Variants in USH1C observed in about 807,000 individuals in gnomAD.
USH1C encodes USH1 protein network component harmonin, also known as harmonin.
In USH1C, 90 loss-of-function variants were observed where a neutral mutation model predicts 119.3. The ratio of observed to expected loss-of-function variants is 0.75; its 90% CI spans 0.64 to 0.90. The LOEUF is 0.90. Among genes scored for constraint, USH1C ranks in the 40% least tolerant of loss-of-function variants. The pLI, the probability that USH1C is intolerant of heterozygous loss-of-function variation, is 0.00. For missense variants in USH1C, 1,165 were observed against 1,167.7 expected (o/e 1.00, Z 0.03); for synonymous variants, 465 against 443.3 (o/e 1.05, Z -0.62).
chr11:17,531,237 C>T lies in USH1C; in HGVS notation c.304G>A (p.Val102Met). The change falls in exon 4 of 27, where the codon GTG becomes ATG. Residue 102 changes from valine to methionine, a missense_variant. Physicochemically the swap from Val to Met is conservative, Grantham distance 21. Transcript: ENST00000005226. The surrounding 1 kb of genome is among the most constrained non-coding windows in gnomAD (Gnocchi z 4.2). ...CAGCCAAACTCCAGGCCACCACGCA[C>T]ACTCAGGCCGAGGCCTTCGGGGTGC... ...RLHPEGLGLS[V>M]RGGLEFGCGL... is the part of the protein sequence containing the mutation. 6.2e-7 allele frequency: 1 copy of T among 1,614,198 alleles called. No homozygotes were observed. Among genetic ancestry groups the T allele is most frequent in the Non-Finnish European group, 8.5e-7 (1 of 1,180,046 alleles).
intron 7 of USH1C, 88 bp from the exon 8 acceptor site, chr11:17,526,529 G>T: frequency 7.9e-7 from 1 of 1,269,522 alleles, no homozygotes; most frequent in Non-Finnish European, 1.1e-6. Context: ...GGCGAGCACT[G>T]CTGAACTCAC....
intron 1 of USH1C, among the ~76,000 whole-genome samples, chr11:17,543,231 A>G (rs1565077256): frequency 6.6e-6 from 1 of 152,198 alleles, no homozygotes; most frequent in Non-Finnish European, 1.5e-5. Context: ...GGAAGGAAGG[A>G]GTTAAGCACC....
rs149510892 is a variant in USH1C at position 17,509,463 on chromosome 11, G to A, written c.1906C>T (p.Arg636Cys). 3.4e-4 allele frequency: 556 copies of A among 1,613,340 alleles called. No individual in the cohort carries two copies. In the African/African-American group the frequency reaches 3.7e-3, roughly 11 times the overall value. ...ACTGGATTGCCTGTGTCCCCAGTGC[G>A]GAAGGGATGGTTGCTCAGTGCTTCT... ...LEEALSNHPF[R>C]TGDTGNPVED... Residue 636 changes from arginine to cysteine, a missense_variant, in exon 18 of 27, where the codon CGC (arginine) becomes TGC (cysteine). Coordinates refer to ENST00000005226, the MANE Select transcript of USH1C (RefSeq NM_153676.4).
chr11:17,535,693 G>A (rs1340344972), intron 1 of USH1C, among the ~76,000 whole-genome samples: 2 of 152,146 alleles, frequency 1.3e-5, no homozygotes, highest in Non-Finnish European at 2.9e-5. Flanking sequence ...GGGAACAGAA[G>A]GGGAAGGGAA....
rs550597710 is a variant in USH1C, at chr11:17,543,237, G to A, written c.36+1035C>T. On this transcript the variant is annotated intron_variant, in intron 1 of 26. Transcript: ENST00000005226. ...CTCTTTATGGGAAGGAAGGAGTTAA[G>A]CACCCTGACCTGCCCTACCTGAGCT... is the stretch of plus-strand genomic sequence containing the variant. Among the ~76,000 whole-genome samples, 4 of 152,340 alleles carry A rather than the reference G, an allele frequency of 2.6e-5. No individual in the cohort carries two copies. The South Asian group carries it at 8.3e-4, about 32-fold the overall frequency.
intron 9 of USH1C, 97 bp from the exon 10 acceptor site, chr11:17,523,575 G>A: frequency 8.5e-7 from 1 of 1,181,378 alleles, no homozygotes; most frequent in South Asian, 1.3e-5. Flanking sequence ...GTCAGATGCT[G>A]GATCTTCAAG....
rs763066296 is a variant in USH1C, at chr11:17,498,182, T to G, written c.2470A>C (p.Lys824Gln). The change falls in exon 24 of 27, where the codon AAG becomes CAG. Residue 824 changes from lysine (K) to glutamine (Q), a missense_variant. Lys to Gln is a moderately conservative substitution (Grantham distance 53). Transcript: ENST00000005226. ...CTTACCCCGCCCTGATTCCAGGCCTTCTGCAGGGCAGCCTCAGCCTCAGCC... is the reference window on the plus strand; with the variant it reads ...CTTACCCCGCCCTGATTCCAGGCCTGCTGCAGGGCAGCCTCAGCCTCAGCC... ...TLAEAEAALQ[K>Q]AWNQGGDWID... 10 of 1,614,146 alleles carry G rather than the reference T, an allele frequency of 6.2e-6. No homozygotes were observed. The South Asian group carries it at 7.7e-5, about 12-fold the overall frequency.
chr11:17,514,924 T>G (rs1850071553), intron 15 of USH1C, among the ~76,000 whole-genome samples: 3 of 151,984 alleles, frequency 2.0e-5, no homozygotes, highest in Admixed American at 6.6e-5. Flanking sequence ...AAGGACATGA[T>G]TTCTGATGGG....
chr11:17,530,609 A>G (rs1470899173), intron 4 of USH1C, among the ~76,000 whole-genome samples: 1 of 152,210 alleles, frequency 6.6e-6, no homozygotes, highest in Non-Finnish European at 1.5e-5. Context: ...CTATTAATTC[A>G]TTTACTAACA....
At position 17,494,161 on chromosome 11, in the gene USH1C, A is replaced by G; in HGVS notation, c.*171T>C. ...TTTCCTCCACGTTGGCCTTCAGAAGAGTGGCCCGAGCTGTTCCTTATCTGG... is the reference window on the plus strand; with the variant it reads ...TTTCCTCCACGTTGGCCTTCAGAAGGGTGGCCCGAGCTGTTCCTTATCTGG... On this transcript the variant is annotated 3_prime_UTR_variant, in exon 27 of 27. Transcript: ENST00000005226. 2.6e-6 allele frequency: 2 copies of G among 776,284 alleles called. No homozygotes were observed. Among genetic ancestry groups the G allele is most frequent in the Non-Finnish European group, 2.2e-6 (1 of 461,452 alleles). The allele number at this position is 776,284 out of a possible 1,614,324, so 48.1% of individuals were successfully genotyped here. A position where few individuals can be genotyped will look rare whatever the true frequency, so the allele number is the denominator to read the frequency against.
chr11:17,524,431 G>T lies in USH1C; in HGVS notation c.759+20C>A. 6.4e-7 allele frequency: 1 copy of T among 1,561,376 alleles called. No homozygotes were observed. Among genetic ancestry groups the T allele is most frequent in the East Asian group, 2.4e-5 (1 of 41,656 alleles). On this transcript the variant is annotated intron_variant, in intron 9 of 26. Coordinates refer to ENST00000005226, the MANE Select transcript of USH1C (RefSeq NM_153676.4). ...CAATTTCCAGTGGGCCCCCACTGGG[G>T]CCGGCCCAGCGTCACTCACCTCCAA...
chr11:17,521,234 C>T, intron 13 of USH1C, 112 bp downstream of exon 13: 1 of 1,214,066 alleles, frequency 8.2e-7, no homozygotes, highest in Non-Finnish European at 1.2e-6. Context: ...GAGGACCCAC[C>T]AGGGGATGAG....
chr11:17,497,617 G>A (rs1449866354), intron 24 of USH1C, among the ~76,000 whole-genome samples: 1 of 152,206 alleles, frequency 6.6e-6, no homozygotes, highest in African/African-American at 2.4e-5. Flanking sequence ...TCGGCTGCCT[G>A]CATACAGTTG....
chr11:17,509,737 G>C lies in USH1C; in HGVS notation c.1632C>G (p.Asp544Glu). The C allele has an allele frequency of 1.2e-6, 2 of 1,601,924 alleles. No individual in the cohort carries two copies. Among genetic ancestry groups the C allele is most frequent in the Non-Finnish European group, 1.7e-6 (2 of 1,179,738 alleles). Residue 544 changes from aspartate (D) to glutamate (E), a missense_variant, in exon 18 of 27, where the codon GAC becomes GAG. Transcript: ENST00000005226. The part of the protein sequence containing the change: ...GGLHLHTTDL[D>E]DIPLDMFYYP... ...AGTAGAACATGTCCAAAGGGATGTC[G>C]TCCAGGTCAGTGGTGTGCAGGTGCA...
chr11:17,539,231 A>C (rs1466521905), intron 1 of USH1C, among the ~76,000 whole-genome samples: 4 of 151,018 alleles, frequency 2.6e-5, no homozygotes, highest in Admixed American at 6.6e-5. Context: ...TTTGTCCCCA[A>C]CTCTGCCATG....
rs1850994146 is a variant in USH1C, at chr11:17,531,702, G to T, written c.105-160C>A. 6.6e-6 allele frequency among the ~76,000 whole-genome samples: 1 copy of T among 152,208 alleles called. No individual in the cohort carries two copies. The highest frequency in any genetic ancestry group is 1.5e-5 in the Non-Finnish European group (1 of 68,036). On this transcript the variant is annotated intron_variant, in intron 2 of 26. Transcript: ENST00000005226. The surrounding 1 kb of genome is among the most constrained non-coding windows in gnomAD (Gnocchi z 4.2). ...AGCTCTTCACACCGGGCCAGTGCCT[G>T]AGAAGACTTTGTTCTCTTATATAAA...
In USH1C at chr11:17,505,911, G is replaced by A. The variant is rs142523327; in HGVS notation, c.2052C>T (p.Gly684=). The change falls in exon 19 of 27, where the codon GGC becomes GGT. Residue 684 remains glycine (G), a synonymous_variant. Coordinates refer to ENST00000005226, the MANE Select transcript of USH1C (RefSeq NM_153676.4). ...TGACAGGTTTGGAGATGGTGGACAC[G>A]CCAGGGCCTCGTGGAGGCTGTGGGC... ...CPSPQPPRGP[G]VSTISKPVMV... The A allele has an allele frequency of 8.7e-6, 14 of 1,614,108 alleles. No individual in the cohort carries two copies. Among genetic ancestry groups the A allele is most frequent in the South Asian group, 5.5e-5 (5 of 91,088 alleles).
At chr11:17,541,839 T>G (rs1452769941) in intron 1 of USH1C, among the ~76,000 whole-genome samples, 2 of 152,226 alleles carry the variant, frequency 1.3e-5, no homozygotes, top group Non-Finnish European at 2.9e-5. Flanking sequence ...AGTACTTTAA[T>G]TGCTAGTTAG....
chr11:17,531,047 CAG>C lies in USH1C; in HGVS notation c.387+105_387+106del. 1.3e-6 allele frequency: 2 copies of C among 1,565,586 alleles called. No homozygotes were observed. Among genetic ancestry groups the C allele is most frequent in the East Asian group, 4.6e-5 (2 of 43,752 alleles). Reference sequence around the variant, plus strand: ...CCAGCCTCTTCTTCACCCGAAGGCTCAGAAAAGTGGGTGACCATGTTGTGCCA... The same window carrying C: ...CCAGCCTCTTCTTCACCCGAAGGCTCAAAAGTGGGTGACCATGTTGTGCCA... On this transcript the variant is annotated intron_variant, in intron 4 of 26. Coordinates refer to ENST00000005226, the MANE Select transcript of USH1C (RefSeq NM_153676.4). This position sits in a 1 kb window ranked among gnomAD's most constrained non-coding sequence, Gnocchi z 4.2.
Sources: allele counts gnomAD v4.1 joint callset (sites outside exome capture counted in the v4.1 genomes callset), GRCh38; gene constraint gnomAD v4.1.1; non-coding constraint Gnocchi (gnomAD v3.1); transcripts MANE v1.5; gene names NCBI Gene and HGNC (gene_info 2026-07-23, HGNC 2026-07-21).